The following OXNAD1 variants were observed in gnomAD, a reference collection of about 807,000 sequenced individuals.
The protein encoded by OXNAD1 is oxidoreductase NAD binding domain containing 1.
OXNAD1 carries 34 observed loss-of-function variants against 32.9 expected under a neutral mutation model. The observed-to-expected ratio is 1.03, with a 90% CI of 0.79 to 1.38. The LOEUF is 1.38. OXNAD1 is among the 40% of genes most tolerant of loss of function. The pLI, the probability that OXNAD1 is intolerant of heterozygous loss-of-function variation, is 0.00. For missense variants in OXNAD1, 407 were observed against 379.4 expected, an observed-to-expected ratio of 1.07 and a Z score of -0.60; for synonymous variants, 134 against 135.2, an observed-to-expected ratio of 0.99 and a Z score of 0.06.
At chr3:16,343,247 A>G (rs2071427288) in intron 9 of OXNAD1, among the ~76,000 whole-genome samples, 1 of 152,176 alleles carries the variant, frequency 6.6e-6, no homozygotes, top group African/African-American at 2.4e-5. Context: ...ATTAGTGGTA[A>G]TGGAACATCC....
rs1380464811 is a variant in OXNAD1 at position 16,320,385 on chromosome 3, T to G, written c.*31-16727T>G. ...GTGCCAATCTTGCAGTTTCTTTTCTTAAGTTTTAATGCTAGACATACTATG... is the reference window on the plus strand; with the variant it reads ...GTGCCAATCTTGCAGTTTCTTTTCTGAAGTTTTAATGCTAGACATACTATG... On this transcript the variant is annotated intron_variant, in intron 9 of 9. Coordinates refer to the OXNAD1 transcript ENST00000435829. The surrounding 1 kb of genome is among the most constrained non-coding windows in gnomAD (Gnocchi z 4.5). Among the ~76,000 whole-genome samples, 3 of 152,252 alleles carry G rather than the reference T, an allele frequency of 2.0e-5. No individual in the cohort carries two copies. The highest frequency in any genetic ancestry group is 4.4e-5 in the Non-Finnish European group (3 of 68,046).
chr3:16,336,486 G>T lies in OXNAD1; in HGVS notation c.*31-626G>T, dbSNP rs1240945900. On this transcript the variant is annotated intron_variant, in intron 9 of 9. Transcript: ENST00000435829. The surrounding 1 kb of genome is among the most constrained non-coding windows in gnomAD (Gnocchi z 6.0). ...CTCACCCTCAGCCTCCCAGGCCTCT[G>T]CGGGAGGGAGGGACAGGCACGCTGG... Among the ~76,000 whole-genome samples the T allele has an allele frequency of 2.0e-5, 3 of 152,206 alleles. No individual in the cohort carries two copies. Among genetic ancestry groups the T allele is most frequent in the African/African-American group, 7.2e-5 (3 of 41,452 alleles).
chr3:16,291,136 G>C (rs1351827987), intron 5 of OXNAD1, among the ~76,000 whole-genome samples: 1 of 152,176 alleles, frequency 6.6e-6, no homozygotes, highest in African/African-American at 2.4e-5. Flanking sequence ...TAGAAGAAAA[G>C]AAGGAAACGT....
downstream of OXNAD1, among the ~76,000 whole-genome samples, chr3:16,310,991 CAAAAAAAAA>C (rs1003070321): frequency 1.6e-4 from 9 of 57,546 alleles, no homozygotes; most frequent in South Asian, 6.4e-4. Context: ...ACTCAGTCTC[CAAAAAAAAA>C]AAAAAAAAAA....
chr3:16,325,452 G>C (rs1259561015), intron 9 of OXNAD1, among the ~76,000 whole-genome samples: 1 of 152,148 alleles, frequency 6.6e-6, no homozygotes, highest in Non-Finnish European at 1.5e-5. Context: ...GAACCAGCTG[G>C]GCCTTCACAT....
At chr3:16,276,909 TTC>T (rs2065371594) in intron 4 of OXNAD1, among the ~76,000 whole-genome samples, 1 of 141,440 alleles carries the variant, frequency 7.1e-6, no homozygotes, top group African/African-American at 2.7e-5. Context: ...CCTCTTCTGT[TTC>T]TTTTTCTTTC....
At chr3:16,338,327 C>A (rs531919317), downstream of OXNAD1, among the ~76,000 whole-genome samples, 18 of 152,330 alleles carry the variant, frequency 1.2e-4, no homozygotes, top group Non-Finnish European at 2.4e-4. This position sits in a 1 kb window ranked among gnomAD's most constrained non-coding sequence, Gnocchi z 5.3. Context: ...GTAATGAGGC[C>A]GGACATGCGG....
rs2070763373 is a variant in OXNAD1 at position 16,335,567 on chromosome 3, AAC to A, written c.*31-1541_*31-1540del. 6.6e-6 allele frequency among the ~76,000 whole-genome samples: 1 copy of A among 152,142 alleles called. No individual in the cohort carries two copies. The highest frequency in any genetic ancestry group is 2.4e-5 in the African/African-American group (1 of 41,424). The stretch of plus-strand genomic sequence containing the variant: ...ACAAGTGGGAGAGCTGAACGGTGAA[AAC>A]ACATGTGAAAACACATGGACACATG... On this transcript the variant is annotated intron_variant, in intron 9 of 9. Transcript: ENST00000435829. The surrounding 1 kb of genome is among the most constrained non-coding windows in gnomAD (Gnocchi z 4.7).
intron 9 of OXNAD1, among the ~76,000 whole-genome samples, chr3:16,311,114 T>G (rs1462626515): frequency 1.3e-5 from 2 of 149,848 alleles, no homozygotes; most frequent in African/African-American, 5.0e-5. Flanking sequence ...GAGCTGCTGC[T>G]TTCTGTTGCC....
Position 16,303,633 on chromosome 3 carries a change from A to C in OXNAD1, c.*71A>C. On this transcript the variant is annotated 3_prime_UTR_variant, in exon 9 of 9. Coordinates refer to ENST00000285083, the MANE Select transcript of OXNAD1 (RefSeq NM_138381.5). The surrounding 1 kb of genome is among the most constrained non-coding windows in gnomAD (Gnocchi z 4.8). ...GAGAGCTCCTGTCCTTTGTGGCATG[A>C]TTAATTTTTTTTATCTCTACTTGAG... The C allele has an allele frequency of 6.7e-7, 1 of 1,489,608 alleles. No individual in the cohort carries two copies. Among genetic ancestry groups the C allele is most frequent in the Non-Finnish European group, 9.0e-7 (1 of 1,115,064 alleles). 92.3% of individuals were successfully genotyped at this position (1,489,608 alleles called of 1,614,324 possible). A position where few individuals can be genotyped will look rare whatever the true frequency, so the allele number is the denominator to read the frequency against.
In OXNAD1 at chr3:16,271,621, G is replaced by C. The variant is rs1381521110; in HGVS notation, c.120-38G>C. On this transcript the variant is annotated intron_variant, in intron 3 of 8. Coordinates refer to ENST00000285083, the MANE Select transcript of OXNAD1 (RefSeq NM_138381.5). This position sits in a 1 kb window ranked among gnomAD's most constrained non-coding sequence, Gnocchi z 4.6. ...AAACTAATTTTATTATTTTTATGAG[G>C]ATAATATGTAATAACCTAATTTTAC... 3 of 1,449,172 alleles carry C rather than the reference G, an allele frequency of 2.1e-6. No individual in the cohort carries two copies. The highest frequency in any genetic ancestry group is 2.8e-6 in the Non-Finnish European group (3 of 1,054,044). The allele number at this position is 1,449,172 out of a possible 1,614,324, so 89.8% of individuals were successfully genotyped here.
chr3:16,313,588 G>A (rs1023977467), intron 9 of OXNAD1: 3 of 152,176 alleles, frequency 2.0e-5, no homozygotes, highest in Admixed American at 1.3e-4. Flanking sequence ...CATGGACCAA[G>A]CACTTTATTC....
chr3:16,295,631 T>C (rs2066732379), intron 6 of OXNAD1, among the ~76,000 whole-genome samples: 1 of 152,232 alleles, frequency 6.6e-6, no homozygotes, highest in Non-Finnish European at 1.5e-5. Context: ...ACTCGTTGTC[T>C]TAGTTTTTGA....
In OXNAD1 at chr3:16,290,802, A is replaced by T. The variant is rs2066379277; in HGVS notation, c.291-4054A>T. On this transcript the variant is annotated intron_variant, in intron 5 of 8. Transcript: ENST00000285083. This position sits in a 1 kb window ranked among gnomAD's most constrained non-coding sequence, Gnocchi z 4.2. ...AATAAATGACTGGAAATGTAAGGCC[A>T]TAGACTGCAGGAGAATATTTTTTTA... Among the ~76,000 whole-genome samples, 1 of 152,258 alleles carries T rather than the reference A, an allele frequency of 6.6e-6. No individual in the cohort carries two copies. The highest frequency in any genetic ancestry group is 1.5e-5 in the Non-Finnish European group (1 of 68,046).
Position 16,271,939 on chromosome 3 carries a change from A to G in OXNAD1, c.183+217A>G, listed in dbSNP as rs183549011. On this transcript the variant is annotated intron_variant, in intron 4 of 8. Coordinates refer to ENST00000285083, the MANE Select transcript of OXNAD1 (RefSeq NM_138381.5). The surrounding 1 kb of genome is among the most constrained non-coding windows in gnomAD (Gnocchi z 4.6). ...ATTTTTCCCTTTAAACTTGGAATGA[A>G]TGGATTACCTTTTGATGAAGCAAGT... 6.6e-6 allele frequency among the ~76,000 whole-genome samples: 1 copy of G among 152,328 alleles called. No homozygotes were observed. The highest frequency in any genetic ancestry group is 2.4e-5 in the African/African-American group (1 of 41,580).
chr3:16,309,744 C>A (rs1278362840), downstream of OXNAD1, among the ~76,000 whole-genome samples: 1 of 152,218 alleles, frequency 6.6e-6, no homozygotes, highest in East Asian at 1.9e-4. Context: ...CATTCTACAA[C>A]TTGTTTCCTG....
intron 9 of OXNAD1, among the ~76,000 whole-genome samples, chr3:16,311,501 T>C (rs2067983102): frequency 6.6e-6 from 1 of 152,246 alleles, no homozygotes. Context: ...TGTCAAACTC[T>C]GAAAACTAAT....
At chr3:16,343,775 G>C (rs997339058) in intron 9 of OXNAD1, among the ~76,000 whole-genome samples, 5 of 152,194 alleles carry the variant, frequency 3.3e-5, no homozygotes, top group African/African-American at 9.6e-5. Flanking sequence ...ATGAATATAA[G>C]GAATGGCTGG....
chr3:16,291,552 A>G (rs1361790696), intron 5 of OXNAD1, among the ~76,000 whole-genome samples: 1 of 152,208 alleles, frequency 6.6e-6, no homozygotes, highest in Admixed American at 6.5e-5. Context: ...TTCACTTAAC[A>G]TGATTTCAGG....
Sources: allele counts gnomAD v4.1 joint callset (sites outside exome capture counted in the v4.1 genomes callset), GRCh38; gene constraint gnomAD v4.1.1; non-coding constraint Gnocchi (gnomAD v3.1); transcripts MANE v1.5; gene names NCBI Gene and HGNC (gene_info 2026-07-23, HGNC 2026-07-21).